PHACTR1: variants seen among roughly 807,000 people sequenced by gnomAD.
The protein encoded by PHACTR1 is phosphatase and actin regulator 1, also known as RPEL repeat containing 1.
In PHACTR1, 16 loss-of-function variants were observed where a neutral mutation model predicts 69.2. The observed-to-expected ratio is 0.23, with a 90% CI of 0.16 to 0.35. PHACTR1 has a LOEUF of 0.35. PHACTR1 is among the 10% of genes least tolerant of loss of function. The pLI is 1.00. For synonymous variants in PHACTR1, 312 were observed against 284.5 expected, an observed-to-expected ratio of 1.10 and a Z score of -0.97; for missense variants, 510 against 734.7, an observed-to-expected ratio of 0.69 and a Z score of 3.54.
chr6:13,169,183 T>G (rs1456142044), intron 6 of PHACTR1, among the ~76,000 whole-genome samples: 3 of 152,094 alleles, frequency 2.0e-5, no homozygotes, highest in African/African-American at 4.8e-5. Context: ...GAGTAGGCAG[T>G]GCTGAGACTC....
intron 4 of PHACTR1, among the ~76,000 whole-genome samples, chr6:12,979,693 A>T (rs989585180): frequency 6.6e-6 from 1 of 151,254 alleles, no homozygotes; most frequent in Non-Finnish European, 1.5e-5. Context: ...CCTCCAATGC[A>T]GTGAGTTTTC....
chr6:13,131,232 C>T (rs2327675), intron 5 of PHACTR1, among the ~76,000 whole-genome samples: 79,754 of 150,228 alleles, frequency 0.53, 21,824 homozygotes, highest in East Asian at 0.7. Context: ...CACACACACA[C>T]ACACACACAC....
chr6:13,250,517 C>A (rs769176126), intron 10 of PHACTR1, among the ~76,000 whole-genome samples: 1 of 152,212 alleles, frequency 6.6e-6, no homozygotes, highest in Non-Finnish European at 1.5e-5. Context: ...TTGAAAGCAG[C>A]TCAGCTCAGC....
At chr6:12,938,236 G>T (rs1789675662) in intron 4 of PHACTR1, among the ~76,000 whole-genome samples, 1 of 152,122 alleles carries the variant, frequency 6.6e-6, no homozygotes. Flanking sequence ...GTTATTTCCT[G>T]TCCTACTGTT....
chr6:12,946,087 G>C (rs1192092308), intron 4 of PHACTR1, among the ~76,000 whole-genome samples: 1 of 151,538 alleles, frequency 6.6e-6, no homozygotes. Flanking sequence ...CTTTTCTTCA[G>C]TAGACATCTC....
At chr6:12,954,261 A>G (rs903161289) in intron 4 of PHACTR1, among the ~76,000 whole-genome samples, 40 of 152,000 alleles carry the variant, frequency 2.6e-4, no homozygotes, top group African/African-American at 8.9e-4. Context: ...CCACTTTATG[A>G]TTGCCTAGCA....
At chr6:12,750,653 C>T (rs1173428377) in intron 4 of PHACTR1, among the ~76,000 whole-genome samples, 3 of 152,146 alleles carry the variant, frequency 2.0e-5, no homozygotes, top group Non-Finnish European at 4.4e-5. Flanking sequence ...GAAGGTTACT[C>T]AATGAGTAAA....
At position 13,234,522 on chromosome 6, in the gene PHACTR1, G is replaced by GA. The variant is rs370560421; in HGVS notation, c.1391+4340dup. ...TAGCCTGACAGTTCCAATAACATAA[G>GA]AAAAAAAAAAAGACCACGATGTGTA... is the stretch of plus-strand genomic sequence containing the variant. On this transcript the variant is annotated intron_variant, in intron 10 of 14. Transcript: ENST00000332995. Among the ~76,000 whole-genome samples, 308 of 140,662 alleles carry GA rather than the reference G, an allele frequency of 2.2e-3. 1 individual carries two copies. The highest frequency in any genetic ancestry group is 0.012 in the Admixed American group (172 of 14,124). The allele number at this position is 140,662 out of a possible 152,430, so 92.3% of individuals were successfully genotyped here. A position where few individuals can be genotyped will look rare whatever the true frequency, so the allele number is the denominator to read the frequency against.
At chr6:12,748,299 A>C (rs1766067582) in intron 3 of PHACTR1, among the ~76,000 whole-genome samples, 1 of 152,214 alleles carries the variant, frequency 6.6e-6, no homozygotes, top group Non-Finnish European at 1.5e-5. Context: ...CTAGAATGAG[A>C]AAAGGCAAGT....
intron 5 of PHACTR1, among the ~76,000 whole-genome samples, chr6:13,132,663 C>A (rs1820647235): frequency 6.6e-6 from 1 of 151,638 alleles, no homozygotes; most frequent in Non-Finnish European, 1.5e-5. Context: ...TTATGCTACA[C>A]TGTAGCCATT....
intron 7 of PHACTR1, among the ~76,000 whole-genome samples, chr6:13,203,816 G>T (rs929656403): frequency 1.3e-5 from 2 of 152,176 alleles, no homozygotes; most frequent in Non-Finnish European, 2.9e-5. Flanking sequence ...AGAAAAGTGG[G>T]CTGGAACTAA....
At chr6:13,100,053 T>A (rs1814900086) in intron 5 of PHACTR1, among the ~76,000 whole-genome samples, 1 of 152,264 alleles carries the variant, frequency 6.6e-6, no homozygotes, top group African/African-American at 2.4e-5. Flanking sequence ...ACAACAAAAC[T>A]AGAAAAGGAA....
At chr6:12,944,789 T>TTATTTATTTATTTA (rs1425450746) in intron 4 of PHACTR1, among the ~76,000 whole-genome samples, 9 of 55,168 alleles carry the variant, frequency 1.6e-4, no homozygotes, top group African/African-American at 4.5e-4. Flanking sequence ...TTTTATTTAT[T>TTATTTATTTATTTA]TTTTTTTTTT....
intron 9 of PHACTR1, 21 bp from the exon 10 acceptor site, chr6:13,230,016 A>T (rs1770563695): frequency 6.3e-7 from 1 of 1,589,860 alleles, no homozygotes; most frequent in African/African-American, 1.3e-5. Flanking sequence ...GCCTTAATTG[A>T]CTCATTTCTG....
chr6:12,970,907 C>T (rs891793342), intron 4 of PHACTR1, among the ~76,000 whole-genome samples: 1 of 152,136 alleles, frequency 6.6e-6, no homozygotes, highest in Non-Finnish European at 1.5e-5. Flanking sequence ...CCATTTTATG[C>T]CGTGGGTAGC....
chr6:12,962,972 A>G (rs544809197), intron 4 of PHACTR1, among the ~76,000 whole-genome samples: 1 of 152,316 alleles, frequency 6.6e-6, no homozygotes, highest in South Asian at 2.1e-4. Context: ...AAATACACAC[A>G]CCTCAGCACA....
chr6:12,755,676 A>G (rs1054960508), intron 4 of PHACTR1, among the ~76,000 whole-genome samples: 5 of 152,166 alleles, frequency 3.3e-5, no homozygotes, highest in African/African-American at 1.2e-4. Flanking sequence ...TATTTGTTGT[A>G]TAATAGAGTA....
intron 13 of PHACTR1, among the ~76,000 whole-genome samples, chr6:13,284,304 G>C (rs1435035325): frequency 2.6e-5 from 4 of 151,680 alleles, no homozygotes; most frequent in Admixed American, 2.6e-4. Context: ...GATCACTTGA[G>C]GTCAGGAGTT....
intron 3 of PHACTR1, 126 bp from the exon 4 acceptor site, chr6:12,749,518 T>TC: frequency 1.7e-5 from 7 of 408,108 alleles, no homozygotes; most frequent in East Asian, 7.3e-5. Flanking sequence ...TCCCACTCCC[T>TC]CCCCACCCCT....
Sources: gnomAD v4.1 joint callset for allele counts (sites outside exome capture counted in the v4.1 genomes callset) on GRCh38, gnomAD v4.1.1 for gene constraint, MANE v1.5 for transcripts, NCBI Gene and HGNC (gene_info 2026-07-23, HGNC 2026-07-21) for gene names.